The following ZDHHC7 variants were observed in gnomAD, a reference collection of about 807,000 sequenced individuals.
ZDHHC7 encodes zDHHC palmitoyltransferase 7.
ZDHHC7 carries 12 observed loss-of-function variants against 34.1 expected under a neutral mutation model. That is an observed-to-expected ratio of 0.35 (90% CI 0.23 to 0.57). The LOEUF (loss-of-function observed/expected upper bound fraction) is 0.57. ZDHHC7 is among the 20% of genes least tolerant of loss of function. The pLI, the probability that ZDHHC7 is intolerant of heterozygous loss-of-function variation, is 0.84. For synonymous variants in ZDHHC7, 185 were observed against 155.4 expected (o/e 1.19, Z -1.42); for missense variants, 388 against 402.7 (o/e 0.96, Z 0.31).
upstream of ZDHHC7, among the ~76,000 whole-genome samples, chr16:85,016,322 A>C (rs2143785548): frequency 6.6e-6 from 1 of 152,034 alleles, no homozygotes; most frequent in Admixed American, 6.5e-5. Flanking sequence ...ACACCTGGCC[A>C]AAAATTTTAT....
chr16:84,987,193 G>A (rs2143615536), intron 3 of ZDHHC7, among the ~76,000 whole-genome samples: 1 of 152,282 alleles, frequency 6.6e-6, no homozygotes, highest in South Asian at 2.1e-4. Context: ...CCCTTCCTCA[G>A]TTTCATTTAC....
chr16:84,983,134 G>A (rs1158225725), intron 3 of ZDHHC7, among the ~76,000 whole-genome samples: 1 of 152,218 alleles, frequency 6.6e-6, no homozygotes, highest in African/African-American at 2.4e-5. Flanking sequence ...CCTGGATCCT[G>A]CACTTCACGT....
chr16:85,022,479 C>T, the ZDHHC7 span, among the ~76,000 whole-genome samples: 4 of 152,028 alleles, frequency 2.6e-5, no homozygotes, highest in Admixed American at 6.5e-5. Flanking sequence ...GCTGAGATTG[C>T]GCCACTGGAC....
At chr16:85,026,949 G>A in the ZDHHC7 span, among the ~76,000 whole-genome samples, 1 of 152,156 alleles carries the variant, frequency 6.6e-6, no homozygotes, top group African/African-American at 2.4e-5. Flanking sequence ...CTAGGGAGGG[G>A]CTGTCAGTTT....
intron 1 of ZDHHC7, among the ~76,000 whole-genome samples, chr16:85,009,337 C>G (rs1205555422): frequency 6.6e-6 from 1 of 151,976 alleles, no homozygotes; most frequent in Non-Finnish European, 1.5e-5. Context: ...ATATAAAGTT[C>G]ATTTCAGTGC....
At chr16:85,015,013 T>C (rs528380024), upstream of ZDHHC7, among the ~76,000 whole-genome samples, 3 of 152,064 alleles carry the variant, frequency 2.0e-5, no homozygotes, top group African/African-American at 4.8e-5. Context: ...CTGGAGCCAA[T>C]AGAAAGGAAT....
At chr16:85,007,472 G>C (rs1881642120) in intron 1 of ZDHHC7, among the ~76,000 whole-genome samples, 1 of 149,608 alleles carries the variant, frequency 6.7e-6, no homozygotes, top group African/African-American at 2.5e-5. Flanking sequence ...GAAGCAAGCA[G>C]GGCCAAGATT....
chr16:84,998,403 G>A (rs910594470), intron 1 of ZDHHC7, among the ~76,000 whole-genome samples: 7 of 152,160 alleles, frequency 4.6e-5, no homozygotes, highest in African/African-American at 1.7e-4. Flanking sequence ...GGCGCCGGCT[G>A]CCTGGCTCCT....
intron 7 of ZDHHC7, 106 bp from the exon 8 acceptor site, chr16:84,976,625 G>T: frequency 7.0e-7 from 1 of 1,428,458 alleles, no homozygotes; most frequent in Non-Finnish European, 9.4e-7. Context: ...GCTCGATGGA[G>T]GGTAGGTGAG....
Position 84,976,198 on chromosome 16 carries a change from A to G in ZDHHC7, c.*145T>C. On this transcript the variant is annotated 3_prime_UTR_variant, in exon 8 of 8. Transcript: ENST00000313732. ...CTTCCTCTGCCATCTGTGACTATAA[A>G]TATATAAAACTCTGCTTGCTGCAAG... is the stretch of plus-strand genomic sequence containing the variant. The G allele has an allele frequency of 2.0e-6, 2 of 1,018,124 alleles. No individual in the cohort carries two copies. Among genetic ancestry groups the G allele is most frequent in the South Asian group, 1.6e-5 (1 of 63,740 alleles). The allele number at this position is 1,018,124 out of a possible 1,614,324, so 63.1% of individuals were successfully genotyped here.
At chr16:85,020,328 C>A in the ZDHHC7 span, among the ~76,000 whole-genome samples, 8 of 152,308 alleles carry the variant, frequency 5.3e-5, no homozygotes, top group African/African-American at 1.9e-4. Flanking sequence ...GTACCTGGTA[C>A]CATGCTAAGT....
intron 1 of ZDHHC7, among the ~76,000 whole-genome samples, chr16:84,999,415 A>C (rs1236269458): frequency 6.6e-6 from 1 of 152,204 alleles, no homozygotes; most frequent in Non-Finnish European, 1.5e-5. Flanking sequence ...AACTTGTCCG[A>C]TACTGTTCAC....
rs2072273084 is a variant in ZDHHC7, at chr16:84,974,792, C to T, written c.*1551G>A. Reference sequence around the variant, plus strand: ...GCTTCTGCGGTGACCAAGTCCACTTCCAAACCCCCTGCAGGTTTGCTCGCT... The same window carrying T: ...GCTTCTGCGGTGACCAAGTCCACTTTCAAACCCCCTGCAGGTTTGCTCGCT... On this transcript the variant is annotated 3_prime_UTR_variant, in exon 8 of 8. Coordinates refer to ENST00000313732, the MANE Select transcript of ZDHHC7 (RefSeq NM_017740.3). 1 of 152,696 alleles carries T rather than the reference C, an allele frequency of 6.5e-6. No individual in the cohort carries two copies. The highest frequency in any genetic ancestry group is 2.1e-4 in the South Asian group (1 of 4,836). The allele number at this position is 152,696 out of a possible 1,614,324, so 9.5% of individuals were successfully genotyped here.
intron 4 of ZDHHC7, among the ~76,000 whole-genome samples, chr16:84,979,861 T>C: frequency 6.6e-6 from 1 of 152,134 alleles, no homozygotes; most frequent in East Asian, 1.9e-4. Flanking sequence ...CGATTACTTT[T>C]TAGTCCAAGC....
At chr16:84,996,691 C>G (rs919959323) in intron 1 of ZDHHC7, among the ~76,000 whole-genome samples, 1 of 152,116 alleles carries the variant, frequency 6.6e-6, no homozygotes, top group African/African-American at 2.4e-5. Flanking sequence ...ACCCCCGCCA[C>G]GGACACAGAG....
chr16:85,012,456 CAA>C (rs2072807311), upstream of ZDHHC7, among the ~76,000 whole-genome samples: 1 of 150,438 alleles, frequency 6.6e-6, no homozygotes. Context: ...GAACATATGT[CAA>C]AGATACCATT....
At chr16:85,009,064 C>T (rs989380889) in intron 1 of ZDHHC7, among the ~76,000 whole-genome samples, 2 of 150,628 alleles carry the variant, frequency 1.3e-5, no homozygotes, top group African/African-American at 4.9e-5. Flanking sequence ...AAAAAAAGTA[C>T]TTCTAAAGTT....
chr16:85,010,548 G>A (rs187512992), intron 1 of ZDHHC7, among the ~76,000 whole-genome samples: 14 of 152,320 alleles, frequency 9.2e-5, no homozygotes, highest in Admixed American at 8.5e-4. Flanking sequence ...CTGTAGCAGC[G>A]ATTTGCCCAG....
chr16:85,004,329 C>G (rs528317618), intron 1 of ZDHHC7, among the ~76,000 whole-genome samples: 1 of 152,232 alleles, frequency 6.6e-6, no homozygotes, highest in East Asian at 1.9e-4. Flanking sequence ...CCGCCCAGAC[C>G]AAGGTCCCAT....
Sources: gnomAD v4.1 joint callset for allele counts (sites outside exome capture counted in the v4.1 genomes callset) on GRCh38, gnomAD v4.1.1 for gene constraint, MANE v1.5 for transcripts, NCBI Gene and HGNC (gene_info 2026-07-23, HGNC 2026-07-21) for gene names.